DNAI2: variants seen among roughly 807,000 people sequenced by gnomAD.
The protein encoded by DNAI2 is dynein axonemal intermediate chain 2.
DNAI2 carries 63 observed loss-of-function variants against 74.7 expected under a neutral mutation model. That is an observed-to-expected ratio of 0.84 (90% CI 0.69 to 1.04). The LOEUF is 1.04. DNAI2 is among the 50% of genes least tolerant of loss of function. DNAI2 has a pLI of 0.00. For missense variants in DNAI2, 688 were observed against 803.2 expected (o/e 0.86, Z 1.73); for synonymous variants, 289 against 314.9 (o/e 0.92, Z 0.87).
At chr17:74,291,567 A>G (rs967469967) in intron 6 of DNAI2, among the ~76,000 whole-genome samples, 4 of 152,242 alleles carry the variant, frequency 2.6e-5, no homozygotes, top group Non-Finnish European at 5.9e-5. Flanking sequence ...AGGGCCTCCC[A>G]TAGCTGACCA....
intron 2 of DNAI2, among the ~76,000 whole-genome samples, chr17:74,282,354 G>A (rs2051446712): frequency 6.6e-6 from 1 of 152,068 alleles, no homozygotes; most frequent in Non-Finnish European, 1.5e-5. Flanking sequence ...ACCCAGGAGT[G>A]CAGTGGTACA....
intron 5 of DNAI2, 116 bp from the exon 6 acceptor site, chr17:74,290,904 C>T (rs992465984): frequency 3.3e-6 from 3 of 903,382 alleles, no homozygotes; most frequent in African/African-American, 3.3e-5. Flanking sequence ...GAGGGGCTTC[C>T]AGGCTTCCCC....
chr17:74,293,178 G>T (rs1440122871), intron 6 of DNAI2, among the ~76,000 whole-genome samples: 1 of 152,178 alleles, frequency 6.6e-6, no homozygotes, highest in African/African-American at 2.4e-5. Flanking sequence ...CTTGTCTATA[G>T]TGTTGGTCAA....
chr17:74,313,957 G>A, intron 12 of DNAI2, 164 bp from the exon 13 acceptor site: 2 of 1,069,198 alleles, frequency 1.9e-6, no homozygotes, highest in South Asian at 1.4e-5. Flanking sequence ...CGCACTGTCT[G>A]GGCCCTCACC....
intron 12 of DNAI2, chr17:74,313,720 G>A (rs1489449192): frequency 8.6e-6 from 2 of 233,384 alleles, no homozygotes; most frequent in African/African-American, 4.4e-5. Context: ...CCAAAACGCT[G>A]GTGGTCACAA....
intron 8 of DNAI2, among the ~76,000 whole-genome samples, chr17:74,301,990 G>A (rs868056421): frequency 3.1e-5 from 1 of 32,774 alleles, no homozygotes; most frequent in African/African-American, 1.2e-4. Flanking sequence ...AAGGAAGGAA[G>A]GAAGGAAGGA....
chr17:74,289,556 C>G, intron 4 of DNAI2, 38 bp from the exon 5 acceptor site: 2 of 1,611,394 alleles, frequency 1.2e-6, no homozygotes, highest in South Asian at 2.2e-5. Flanking sequence ...TGGGGAACCT[C>G]ACATCCAGCC....
chr17:74,280,744 A>C (rs1162114403), intron 1 of DNAI2, among the ~76,000 whole-genome samples: 1 of 152,134 alleles, frequency 6.6e-6, no homozygotes, highest in Non-Finnish European at 1.5e-5. Context: ...GTCCAACATC[A>C]TCACCATCAA....
intron 5 of DNAI2, among the ~76,000 whole-genome samples, chr17:74,290,521 C>T (rs1477059250): frequency 4.6e-5 from 7 of 152,164 alleles, no homozygotes; most frequent in Non-Finnish European, 8.8e-5. Flanking sequence ...GGTGGCTTCA[C>T]GCTCTCCAGC....
intron 6 of DNAI2, among the ~76,000 whole-genome samples, chr17:74,292,549 T>C (rs749633905): frequency 6.6e-6 from 1 of 151,742 alleles, no homozygotes; most frequent in South Asian, 2.1e-4. Flanking sequence ...CCCGAGTAGC[T>C]GAGCCTACAG....
chr17:74,302,120 A>AAGGAAGGAAGGG (rs1567865950), intron 8 of DNAI2, among the ~76,000 whole-genome samples: 1 of 144,164 alleles, frequency 6.9e-6, no homozygotes, highest in African/African-American at 2.6e-5. Context: ...GGAAGGAAGG[A>AAGGAAGGAAGGG]AAGAAAAAGA....
At chr17:74,283,428 G>T (rs2051503990) in intron 2 of DNAI2, among the ~76,000 whole-genome samples, 1 of 151,988 alleles carries the variant, frequency 6.6e-6, no homozygotes, top group Admixed American at 6.6e-5. Context: ...GCAACATAGT[G>T]AGACTTCATT....
At chr17:74,291,280 C>G (rs1336378657) in intron 6 of DNAI2, 147 bp downstream of exon 6, 7 of 654,116 alleles carry the variant, frequency 1.1e-5, no homozygotes, top group Non-Finnish European at 1.6e-5. Context: ...CCTGCCTCAG[C>G]CTCCCGAGTC....
intron 9 of DNAI2, 80 bp from the exon 10 acceptor site, chr17:74,309,173 G>A (rs2053359151): frequency 2.0e-6 from 3 of 1,517,266 alleles, no homozygotes; most frequent in African/African-American, 2.8e-5. Context: ...AGATCCTGGA[G>A]CCCAGAAGGG....
intron 6 of DNAI2, among the ~76,000 whole-genome samples, chr17:74,295,730 G>T (rs2052387128): frequency 6.6e-6 from 1 of 152,078 alleles, no homozygotes; most frequent in African/African-American, 2.4e-5. Flanking sequence ...CCCAGAGTTT[G>T]TGTTGTTGCT....
intron 8 of DNAI2, among the ~76,000 whole-genome samples, chr17:74,303,206 T>C (rs1264253574): frequency 1.3e-5 from 2 of 152,264 alleles, no homozygotes; most frequent in Non-Finnish European, 2.9e-5. Flanking sequence ...TTGTGAGTCC[T>C]AGTACCTGGT....
At chr17:74,289,400 G>A (rs569524781) in intron 4 of DNAI2, among the ~76,000 whole-genome samples, 194 bp from the exon 5 acceptor site, 11 of 152,136 alleles carry the variant, frequency 7.2e-5, no homozygotes, top group East Asian at 5.8e-4. Flanking sequence ...GGTGGTGTGC[G>A]CCTGTAATCG....
chr17:74,277,384 C>CAAAAAAAAAAAAAAAAAA (rs34911667), intron 1 of DNAI2, among the ~76,000 whole-genome samples: 1 of 123,844 alleles, frequency 8.1e-6, no homozygotes, highest in Non-Finnish European at 1.7e-5. Context: ...GAATCCATCT[C>CAAAAAAAAAAAAAAAAAA]AAAAAAAAAA....
intron 8 of DNAI2, 146 bp from the exon 9 acceptor site, chr17:74,305,073 C>T: frequency 1.2e-6 from 1 of 802,596 alleles, no homozygotes; most frequent in Non-Finnish European, 2.1e-6. Flanking sequence ...GACTGCTCTC[C>T]AGGAGGGGCC....
Sources: gnomAD v4.1 joint callset for allele counts (sites outside exome capture counted in the v4.1 genomes callset) on GRCh38, gnomAD v4.1.1 for gene constraint, MANE v1.5 for transcripts, NCBI Gene and HGNC (gene_info 2026-07-23, HGNC 2026-07-21) for gene names.